Variants in SCNM1 observed in about 807,000 individuals in gnomAD.
SCNM1 encodes the protein sodium channel modifier 1.
A neutral mutation model predicts 32.8 loss-of-function variants in SCNM1; 24 were observed. The observed-to-expected ratio is 0.73, with a 90% CI of 0.53 to 1.03. SCNM1 has a LOEUF of 1.03. Ranked by LOEUF, SCNM1 falls within the 50% of genes least tolerant of loss-of-function variation. The probability of loss-of-function intolerance (pLI) is 0.00; values close to 1 mark genes in which losing one functional copy is unlikely to be tolerated. For synonymous variants in SCNM1, 99 were observed against 103.2 expected (o/e 0.96, Z 0.25); for missense variants, 274 against 282.3 (o/e 0.97, Z 0.21).
intron 2 of SCNM1, 48 bp from the exon 3 acceptor site, chr1:151,166,886 C>T (rs760859754): frequency 6.2e-7 from 1 of 1,611,818 alleles, no homozygotes; most frequent in South Asian, 1.1e-5. Flanking sequence ...GGGACGGGCC[C>T]AACCCTCTTC....
rs187288791 is a variant in SCNM1, at chr1:151,167,417, A to G, written c.398+3A>G. 461 of 1,614,208 alleles carry G rather than the reference A, an allele frequency of 2.9e-4. 5 individuals are homozygous for G. The South Asian group carries it at 4.5e-3, about 16-fold the overall frequency. On this transcript the variant is annotated splice_donor_region_variant and intron_variant, in intron 5 of 6. Transcript: ENST00000368905. ...AGTTGCTGCCGCCGGAAGTACAGGT[A>G]TGGGACGGGAAAGCCAGAGGTAGGA... is the stretch of plus-strand genomic sequence containing the variant.
Position 151,169,862 on chromosome 1 carries a change from G to T in SCNM1, c.*777G>T. Reference sequence around the variant, plus strand: ...GAGGGAACACCCCCACCTCCTCCTAGTAACCTGAACCTCCCTGCCTGCTGA... The same window carrying T: ...GAGGGAACACCCCCACCTCCTCCTATTAACCTGAACCTCCCTGCCTGCTGA... On this transcript the variant is annotated 3_prime_UTR_variant, in exon 7 of 7. Transcript: ENST00000368905. The T allele has an allele frequency of 1.8e-6, 1 of 569,996 alleles. No individual in the cohort carries two copies. Among genetic ancestry groups the T allele is most frequent in the Non-Finnish European group, 3.1e-6 (1 of 319,138 alleles). The allele number at this position is 569,996 out of a possible 1,614,324, so 35.3% of individuals were successfully genotyped here.
chr1:151,166,905 C>A, intron 2 of SCNM1, 29 bp from the exon 3 acceptor site: 1 of 1,613,408 alleles, frequency 6.2e-7, no homozygotes, highest in Non-Finnish European at 8.5e-7. Flanking sequence ...TCCCCTGGAC[C>A]ACTTATCCTC....
rs766838130 is a variant in SCNM1 at position 151,166,471 on chromosome 1, A to G, written c.52A>G (p.Lys18Glu). ...DDWSQLNVLK[K>E]RRVGDLLASY... ...GGATTTCTTCCCCTACTCCCTGCAG[A>G]AAAGAAGAGTCGGGGACCTCCTAGC... is the stretch of plus-strand genomic sequence containing the variant. Residue 18 changes from lysine to glutamate, a missense_variant and splice_region_variant, in exon 2 of 7, where the codon AAA becomes GAA. By Grantham distance (56) the Lys-to-Glu change is moderately conservative (BLOSUM62 1). Transcript: ENST00000368905. 1.9e-6 allele frequency: 3 copies of G among 1,613,938 alleles called. No homozygotes were observed. The highest frequency in any genetic ancestry group is 2.5e-6 in the Non-Finnish European group (3 of 1,180,000).
chr1:151,169,820 TA>T lies in SCNM1; in HGVS notation c.*736del. On this transcript the variant is annotated 3_prime_UTR_variant, in exon 7 of 7. Transcript: ENST00000368905. ...AAGAGTCAAAAGGCATTGGCAGGGT[TA>T]TGGGGAACACCAAGGGAGGGAACAC... 1 of 506,890 alleles carries T rather than the reference TA, an allele frequency of 2.0e-6. No homozygotes were observed. Among genetic ancestry groups the T allele is most frequent in the Non-Finnish European group, 3.6e-6 (1 of 280,574 alleles). The allele number at this position is 506,890 out of a possible 1,614,324, so 31.4% of individuals were successfully genotyped here.
At chr1:151,166,775 A>T in intron 2 of SCNM1, 159 bp from the exon 3 acceptor site, 1 of 1,280,560 alleles carries the variant, frequency 7.8e-7, no homozygotes, top group Non-Finnish European at 1.1e-6. Flanking sequence ...AGGAGTACCT[A>T]GGATTCTTTG....
intron 2 of SCNM1, 40 bp downstream of exon 2, chr1:151,166,581 T>C: frequency 6.2e-7 from 1 of 1,601,224 alleles, no homozygotes; most frequent in African/African-American, 1.4e-5. Context: ...GGTTCTGCGG[T>C]TAGAGGCTCA....
At position 151,170,100 on chromosome 1, in the gene SCNM1, C is replaced by A; in HGVS notation, c.*1015C>A. 1.2e-6 allele frequency: 2 copies of A among 1,614,170 alleles called. No individual in the cohort carries two copies. The highest frequency in any genetic ancestry group is 1.7e-6 in the Non-Finnish European group (2 of 1,180,020). Reference sequence around the variant, plus strand: ...GCAGTGTTATCTCTTCTTTTGCTGGCGACCTGTAAAGGAGCAATATTAAAC... The same window carrying A: ...GCAGTGTTATCTCTTCTTTTGCTGGAGACCTGTAAAGGAGCAATATTAAAC... On this transcript the variant is annotated 3_prime_UTR_variant, in exon 7 of 7. Transcript: ENST00000368905.
chr1:151,166,876 G>C, intron 2 of SCNM1, 58 bp from the exon 3 acceptor site: 1 of 1,609,350 alleles, frequency 6.2e-7, no homozygotes, highest in Non-Finnish European at 8.5e-7. Flanking sequence ...ACCTATGGCA[G>C]GGACGGGCCC....
At chr1:151,166,281 T>G in intron 1 of SCNM1, 78 bp downstream of exon 1, 1 of 1,550,934 alleles carries the variant, frequency 6.4e-7, no homozygotes, top group Non-Finnish European at 8.7e-7. Context: ...TTCATTGCTC[T>G]GGCAACAACT....
Position 151,169,215 on chromosome 1 carries a change from G to T in SCNM1, c.*130G>T. 1 of 901,704 alleles carries T rather than the reference G, an allele frequency of 1.1e-6. No homozygotes were observed. Among genetic ancestry groups the T allele is most frequent in the Non-Finnish European group, 1.7e-6 (1 of 597,724 alleles). 55.9% of individuals were successfully genotyped at this position (901,704 alleles called of 1,614,324 possible). On this transcript the variant is annotated 3_prime_UTR_variant, in exon 7 of 7. Coordinates refer to ENST00000368905, the MANE Select transcript of SCNM1 (RefSeq NM_024041.4). ...TTCTCATTCCAACTACTCCTTGCCT[G>T]CAAGGTACACAGCTCTCCACACTCC... is the stretch of plus-strand genomic sequence containing the variant.
At chr1:151,167,469 A>G in intron 5 of SCNM1, 55 bp downstream of exon 5, 1 of 1,601,038 alleles carries the variant, frequency 6.2e-7, no homozygotes, top group Non-Finnish European at 8.6e-7. Flanking sequence ...AGATGGCTCT[A>G]AAAGAGTTTT....
rs1482500076 is a variant in SCNM1 at position 151,167,115 on chromosome 1, C to T, written c.212-6C>T. On this transcript the variant is annotated splice_polypyrimidine_tract_variant and splice_region_variant and intron_variant, in intron 3 of 6. Transcript: ENST00000368905. ...TGCTTTTAATTCTGTTTCCCTTTCTCCTCAGGCTTGCAGCTTTTCTATGGC... is the reference window on the plus strand; with the variant it reads ...TGCTTTTAATTCTGTTTCCCTTTCTTCTCAGGCTTGCAGCTTTTCTATGGC... 4.3e-6 allele frequency: 7 copies of T among 1,614,092 alleles called. No individual in the cohort carries two copies. Among genetic ancestry groups the T allele is most frequent in the African/African-American group, 1.3e-5 (1 of 74,932 alleles).
chr1:151,169,733 G>A lies in SCNM1; in HGVS notation c.*648G>A. 3.0e-6 allele frequency: 1 copy of A among 328,724 alleles called. No homozygotes were observed. Among genetic ancestry groups the A allele is most frequent in the African/African-American group, 2.1e-5 (1 of 47,334 alleles). 20.4% of individuals were successfully genotyped at this position (328,724 alleles called of 1,614,324 possible). ...CAAATCACATAAGGACTGCAGGTAG[G>A]CACTAGGGGGACCTGGCCACATCTG... On this transcript the variant is annotated 3_prime_UTR_variant, in exon 7 of 7. Coordinates refer to ENST00000368905, the MANE Select transcript of SCNM1 (RefSeq NM_024041.4).
At chr1:151,166,349 C>G (rs1683700255) in intron 1 of SCNM1, 122 bp from the exon 2 acceptor site, 2 of 1,537,106 alleles carry the variant, frequency 1.3e-6, no homozygotes, top group Admixed American at 4.2e-5. Flanking sequence ...CTTTTTCGGT[C>G]TATGATCGCT....
chr1:151,166,869 T>C, intron 2 of SCNM1, 65 bp from the exon 3 acceptor site: 1 of 1,606,720 alleles, frequency 6.2e-7, no homozygotes, highest in Non-Finnish European at 8.5e-7. Context: ...GGGTGGGACC[T>C]ATGGCAGGGA....
Position 151,170,124 on chromosome 1 carries a change from A to T in SCNM1, c.*1039A>T. The T allele has an allele frequency of 6.2e-7, 1 of 1,614,124 alleles. No homozygotes were observed. The highest frequency in any genetic ancestry group is 8.5e-7 in the Non-Finnish European group (1 of 1,180,010). On this transcript the variant is annotated 3_prime_UTR_variant, in exon 7 of 7. Coordinates refer to ENST00000368905, the MANE Select transcript of SCNM1 (RefSeq NM_024041.4). ...GCGACCTGTAAAGGAGCAATATTAA[A>T]CATAAGTGTTTGTTCCAGCTCCTGC...
Position 151,168,486 on chromosome 1 carries a change from G to A in SCNM1, c.593+148G>A, listed in dbSNP as rs1683816568. Reference sequence around the variant, plus strand: ...TGCAATGGCACGCTCTCGGCTCACTGTAACCTCCACCTCCTGGGTTCAAGC... The same window carrying A: ...TGCAATGGCACGCTCTCGGCTCACTATAACCTCCACCTCCTGGGTTCAAGC... On this transcript the variant is annotated intron_variant, in intron 6 of 6. Coordinates refer to ENST00000368905, the MANE Select transcript of SCNM1 (RefSeq NM_024041.4). The A allele has an allele frequency of 3.3e-6, 4 of 1,209,630 alleles. No individual in the cohort carries two copies. In the South Asian group the frequency reaches 5.2e-5, roughly 16 times the overall value. 74.9% of individuals were successfully genotyped at this position (1,209,630 alleles called of 1,614,324 possible). A position where few individuals can be genotyped will look rare whatever the true frequency, so the allele number is the denominator to read the frequency against.
chr1:151,170,002 T>A lies in SCNM1; in HGVS notation c.*917T>A, dbSNP rs980093037. On this transcript the variant is annotated 3_prime_UTR_variant, in exon 7 of 7. Coordinates refer to ENST00000368905, the MANE Select transcript of SCNM1 (RefSeq NM_024041.4). ...GCAGGCAAAATGGATAGAAGGGCTTTTATTTACAGGAAAGGAGGACAGATG... is the reference window on the plus strand; with the variant it reads ...GCAGGCAAAATGGATAGAAGGGCTTATATTTACAGGAAAGGAGGACAGATG... The A allele has an allele frequency of 1.3e-6, 2 of 1,565,502 alleles. No homozygotes were observed. The highest frequency in any genetic ancestry group is 2.7e-5 in the African/African-American group (2 of 73,838).
Sources: gnomAD v4.1 joint callset for allele counts on GRCh38, gnomAD v4.1.1 for gene constraint, MANE v1.5 for transcripts, NCBI Gene and HGNC (gene_info 2026-07-23, HGNC 2026-07-21) for gene names.